Variants in TTC28 observed in about 807,000 individuals in gnomAD.
TTC28 encodes the protein tetratricopeptide repeat protein 28.
A neutral mutation model predicts 198.0 loss-of-function variants in TTC28; 61 were observed. That is an observed-to-expected ratio of 0.31 (90% CI 0.25 to 0.38). The LOEUF (loss-of-function observed/expected upper bound fraction) is 0.38. TTC28 is among the 10% of genes least tolerant of loss of function. The probability of loss-of-function intolerance (pLI) is 1.00; values close to 1 mark genes in which losing one functional copy is unlikely to be tolerated. For synonymous variants in TTC28, 1,171 were observed against 1,297.8 expected, an observed-to-expected ratio of 0.90 and a Z score of 2.10; for missense variants, 2,678 against 3,164.0, an observed-to-expected ratio of 0.85 and a Z score of 3.69.
intron 1 of TTC28, among the ~76,000 whole-genome samples, chr22:28,675,199 T>A (rs2051963295): frequency 6.6e-6 from 1 of 152,162 alleles, no homozygotes; most frequent in Admixed American, 6.5e-5. Flanking sequence ...TACAAAATAA[T>A]AAATTTGGAC....
At position 28,063,710 on chromosome 22, in the gene TTC28, G is replaced by T. The variant is rs370982397; in HGVS notation, c.3932+30370C>A. Among the ~76,000 whole-genome samples, 77 of 152,230 alleles carry T rather than the reference G, an allele frequency of 5.1e-4. 3 individuals carry two copies. The South Asian group carries it at 0.015, about 30-fold the overall frequency. ...TATCAGTGATGGATGCACAGCTCAG[G>T]TTGACTCCAACTTCCCATCCACACG... is the stretch of plus-strand genomic sequence containing the variant. On this transcript the variant is annotated intron_variant, in intron 12 of 22. Transcript: ENST00000397906.
intron 2 of TTC28, among the ~76,000 whole-genome samples, chr22:28,611,429 G>T (rs2050816139): frequency 6.6e-6 from 1 of 151,088 alleles, no homozygotes; most frequent in Admixed American, 6.6e-5. Flanking sequence ...TTAAAGAAAA[G>T]AATTTTCAAC....
chr22:28,024,765 G>C (rs934729653), intron 13 of TTC28, among the ~76,000 whole-genome samples: 1 of 152,226 alleles, frequency 6.6e-6, no homozygotes, highest in African/African-American at 2.4e-5. Context: ...CAGGACAGGG[G>C]CTCCTGCCCA....
intron 2 of TTC28, among the ~76,000 whole-genome samples, chr22:28,322,656 T>C (rs1156749344): frequency 1.3e-5 from 2 of 152,204 alleles, no homozygotes; most frequent in African/African-American, 4.8e-5. Context: ...GCACTGAAAA[T>C]ACTGAGCAGG....
chr22:28,002,975 C>A (rs993100388), intron 14 of TTC28, among the ~76,000 whole-genome samples: 3 of 152,322 alleles, frequency 2.0e-5, no homozygotes, highest in Middle Eastern at 6.8e-3. Flanking sequence ...CAGAGCGAGA[C>A]TGTGTCTCAA....
intron 5 of TTC28, among the ~76,000 whole-genome samples, chr22:28,278,101 A>T (rs1475738028): frequency 6.6e-6 from 1 of 152,070 alleles, no homozygotes; most frequent in Non-Finnish European, 1.5e-5. Context: ...CTATTGGTTC[A>T]ATCTACAGTC....
intron 2 of TTC28, among the ~76,000 whole-genome samples, chr22:28,600,739 GGC>G: frequency 6.6e-6 from 1 of 152,118 alleles, no homozygotes; most frequent in East Asian, 1.9e-4. Context: ...AACACAAGAG[GGC>G]GCACAAGTCT....
At chr22:27,984,893 G>GCCTGGAAATCTCCCAGGC (rs1937157506) in intron 22 of TTC28, among the ~76,000 whole-genome samples, 1 of 152,170 alleles carries the variant, frequency 6.6e-6, no homozygotes, top group Non-Finnish European at 1.5e-5. Context: ...TGTCCCCAGG[G>GCCTGGAAATCTCCCAGGC]CCTGGAAATC....
chr22:28,069,964 AC>A (rs397837919), intron 12 of TTC28, among the ~76,000 whole-genome samples: 1 of 151,078 alleles, frequency 6.6e-6, no homozygotes, highest in Non-Finnish European at 1.5e-5. Flanking sequence ...ACACACACAC[AC>A]ACAAATGCCC....
At chr22:28,642,426 T>G (rs1350836072) in intron 1 of TTC28, among the ~76,000 whole-genome samples, 3 of 148,416 alleles carry the variant, frequency 2.0e-5, no homozygotes, top group African/African-American at 7.5e-5. Flanking sequence ...ATAAGCTGTT[T>G]GCCGTTTAAA....
In TTC28 at chr22:28,091,351, T is replaced by C. The variant is rs1941807359; in HGVS notation, c.3932+2729A>G. Among the ~76,000 whole-genome samples the C allele has an allele frequency of 4.6e-5, 7 of 152,266 alleles. No homozygotes were observed. In the South Asian group the frequency reaches 1.5e-3, roughly 32 times the overall value. ...TAGATATCTGGAAATTTGGATTAGG[T>C]GAAATATACATTTTCATACAGGCTG... On this transcript the variant is annotated intron_variant, in intron 12 of 22. Coordinates refer to ENST00000397906, the MANE Select transcript of TTC28 (RefSeq NM_001145418.2).
chr22:28,242,272 G>A (rs1050830538), intron 5 of TTC28, among the ~76,000 whole-genome samples: 4 of 152,000 alleles, frequency 2.6e-5, no homozygotes, highest in East Asian at 1.9e-4. Flanking sequence ...TGTTATGACC[G>A]CTCCCAAATA....
intron 2 of TTC28, among the ~76,000 whole-genome samples, chr22:28,508,444 C>T (rs542444536): frequency 7.2e-5 from 11 of 152,158 alleles, no homozygotes; most frequent in Admixed American, 1.3e-4. Context: ...CCAAGATGCC[C>T]GGCTAATTTT....
intron 2 of TTC28, among the ~76,000 whole-genome samples, chr22:28,589,576 T>C (rs2050386595): frequency 6.6e-6 from 1 of 152,222 alleles, no homozygotes; most frequent in Non-Finnish European, 1.5e-5. Flanking sequence ...TCTGAACCTG[T>C]TCTGGTTTTG....
At chr22:28,306,351 A>G in intron 3 of TTC28, 145 bp downstream of exon 3, 1 of 973,554 alleles carries the variant, frequency 1.0e-6, no homozygotes, top group Admixed American at 3.1e-5. Context: ...GCTGGCAGTG[A>G]TTCTTGATCT....
chr22:28,036,401 C>A (rs1939347714), intron 12 of TTC28, among the ~76,000 whole-genome samples: 1 of 152,180 alleles, frequency 6.6e-6, no homozygotes, highest in South Asian at 2.1e-4. Context: ...AACTGAACAA[C>A]CTGCTCCTGA....
At chr22:28,394,783 T>C (rs1367367221) in intron 2 of TTC28, among the ~76,000 whole-genome samples, 1 of 152,200 alleles carries the variant, frequency 6.6e-6, no homozygotes, top group African/African-American at 2.4e-5. Context: ...CAACAGCATG[T>C]AGAACACACA....
intron 6 of TTC28, among the ~76,000 whole-genome samples, chr22:28,110,851 T>C (rs576954689): frequency 6.6e-6 from 1 of 151,818 alleles, no homozygotes; most frequent in African/African-American, 2.4e-5. Context: ...AGGAGGATCA[T>C]TTGAGCTCAG....
intron 2 of TTC28, among the ~76,000 whole-genome samples, chr22:28,353,053 G>A (rs2046023501): frequency 6.6e-6 from 1 of 151,990 alleles, no homozygotes; most frequent in Non-Finnish European, 1.5e-5. Context: ...CTAGTGGCTG[G>A]GAAGATTAAC....
Sources: gnomAD v4.1 joint callset for allele counts (sites outside exome capture counted in the v4.1 genomes callset) on GRCh38, gnomAD v4.1.1 for gene constraint, MANE v1.5 for transcripts, NCBI Gene and HGNC (gene_info 2026-07-23, HGNC 2026-07-21) for gene names.